The following TMEM150C variants were observed in gnomAD, a reference collection of about 807,000 sequenced individuals.
TMEM150C encodes tentonin 3.
TMEM150C carries 10 observed loss-of-function variants against 29.9 expected under a neutral mutation model. The ratio of observed to expected loss-of-function variants is 0.33; its 90% CI spans 0.21 to 0.57. TMEM150C has a LOEUF of 0.57. Ranked by LOEUF, TMEM150C falls within the 20% of genes least tolerant of loss-of-function variation. TMEM150C has a pLI of 0.88. For missense variants in TMEM150C, 251 were observed against 303.6 expected, an observed-to-expected ratio of 0.83 and a Z score of 1.29; for synonymous variants, 101 against 112.5, an observed-to-expected ratio of 0.90 and a Z score of 0.64.
intron 5 of TMEM150C, 92 bp from the exon 6 acceptor site, chr4:82,496,287 G>T: frequency 1.5e-6 from 2 of 1,299,234 alleles, no homozygotes; most frequent in Non-Finnish European, 2.1e-6. Context: ...TTTTTATGCT[G>T]CACTATTTTC....
intron 7 of TMEM150C, 139 bp from the exon 8 acceptor site, chr4:82,485,858 C>T (rs1018158733): frequency 4.2e-6 from 3 of 710,778 alleles, no homozygotes; most frequent in South Asian, 3.9e-5. Flanking sequence ...GCTTGTTGAA[C>T]ACGAAAATCT....
At chr4:82,545,877 A>T (rs1194447596) in intron 1 of TMEM150C, among the ~76,000 whole-genome samples, 1 of 152,108 alleles carries the variant, frequency 6.6e-6, no homozygotes, top group African/African-American at 2.4e-5. Flanking sequence ...GTGAGCTGAG[A>T]TTGCACCATT....
chr4:82,505,720 T>C (rs1723896882), intron 1 of TMEM150C, among the ~76,000 whole-genome samples: 1 of 151,986 alleles, frequency 6.6e-6, no homozygotes, highest in South Asian at 2.1e-4. Context: ...TTAGTGCTAA[T>C]AAATAGACTG....
chr4:82,532,566 A>G (rs916682616), intron 1 of TMEM150C, among the ~76,000 whole-genome samples: 1 of 152,164 alleles, frequency 6.6e-6, no homozygotes, highest in African/African-American at 2.4e-5. Flanking sequence ...AGCGTTATAA[A>G]GTATCTATAA....
chr4:82,517,956 G>C (rs1157182878), intron 1 of TMEM150C, among the ~76,000 whole-genome samples: 1 of 152,166 alleles, frequency 6.6e-6, no homozygotes. Flanking sequence ...CAACTTGCAA[G>C]CTCACTGCTA....
At chr4:82,540,404 G>A (rs903541439) in intron 1 of TMEM150C, among the ~76,000 whole-genome samples, 4 of 151,794 alleles carry the variant, frequency 2.6e-5, no homozygotes, top group African/African-American at 4.8e-5. Flanking sequence ...GTGAGCAACC[G>A]CGCCTGGCTA....
At chr4:82,491,703 T>C (rs1315807618) in intron 6 of TMEM150C, 2 of 434,956 alleles carry the variant, frequency 4.6e-6, no homozygotes, top group African/African-American at 4.1e-5. Context: ...TGTCTCCCTA[T>C]GTTGCCCAGA....
intron 6 of TMEM150C, among the ~76,000 whole-genome samples, chr4:82,492,792 CAAAA>C (rs1192509650): frequency 5.8e-5 from 3 of 51,888 alleles, no homozygotes; most frequent in Non-Finnish European, 1.1e-4. Context: ...TCCACTTCTC[CAAAA>C]AAAAAAAAAA....
At chr4:82,509,861 T>C (rs545617265) in intron 1 of TMEM150C, 2 of 152,294 alleles carry the variant, frequency 1.3e-5, no homozygotes, top group East Asian at 3.9e-4. Flanking sequence ...TTCATACTTC[T>C]GTCATCAAAT....
intron 6 of TMEM150C, among the ~76,000 whole-genome samples, chr4:82,493,612 T>C (rs915750689): frequency 2.6e-5 from 4 of 152,168 alleles, no homozygotes; most frequent in African/African-American, 9.7e-5. Context: ...TCTAGGACTT[T>C]TGTAAAGAAC....
intron 1 of TMEM150C, among the ~76,000 whole-genome samples, chr4:82,517,061 C>G (rs553599408): frequency 2.0e-5 from 3 of 152,196 alleles, no homozygotes; most frequent in African/African-American, 7.2e-5. Context: ...CTGCCTGATG[C>G]CTGTCCTTCC....
chr4:82,497,915 A>T (rs2110066724), intron 5 of TMEM150C, among the ~76,000 whole-genome samples: 1 of 152,324 alleles, frequency 6.6e-6, no homozygotes, highest in South Asian at 2.1e-4. Flanking sequence ...AGAAGCCATT[A>T]GATTAAGCCT....
intron 6 of TMEM150C, among the ~76,000 whole-genome samples, chr4:82,493,719 A>AG (rs1723448236): frequency 6.6e-6 from 1 of 152,240 alleles, no homozygotes; most frequent in African/African-American, 2.4e-5. Context: ...AGCACAGGCC[A>AG]GCAAGTAAGG....
At chr4:82,548,759 A>G (rs996236497) in intron 1 of TMEM150C, among the ~76,000 whole-genome samples, 5 of 152,192 alleles carry the variant, frequency 3.3e-5, no homozygotes, top group African/African-American at 1.2e-4. Flanking sequence ...GCAAGCGAGG[A>G]GGTAATGGCC....
rs558065952 is a variant in TMEM150C at position 82,541,710 on chromosome 4, T to C, written c.-11+20196A>G. On this transcript the variant is annotated intron_variant, in intron 1 of 7. Coordinates refer to ENST00000449862, the MANE Select transcript of TMEM150C (RefSeq NM_001080506.3). ...TAAATACTGAATTCCCACTATGTAC[T>C]TAAATGACGGTGGGGTTCCAGCTCT... Among the ~76,000 whole-genome samples, 3 of 152,338 alleles carry C rather than the reference T, an allele frequency of 2.0e-5. No individual in the cohort carries two copies. The East Asian group carries it at 5.8e-4, about 29-fold the overall frequency.
chr4:82,487,049 T>C (rs1723186047), intron 7 of TMEM150C, among the ~76,000 whole-genome samples: 1 of 152,144 alleles, frequency 6.6e-6, no homozygotes, highest in Admixed American at 6.5e-5. Context: ...AGCCAAACTT[T>C]GCTTTGCTAA....
intron 1 of TMEM150C, among the ~76,000 whole-genome samples, chr4:82,515,951 T>TC (rs1560488256): frequency 1.3e-5 from 2 of 152,156 alleles, no homozygotes; most frequent in African/African-American, 4.8e-5. Context: ...TGGCCCATAG[T>TC]CACAGCTCCA....
At chr4:82,517,705 A>G (rs1724336942) in intron 1 of TMEM150C, among the ~76,000 whole-genome samples, 1 of 152,174 alleles carries the variant, frequency 6.6e-6, no homozygotes, top group Non-Finnish European at 1.5e-5. Context: ...TCAGGCCTCC[A>G]GACTTGGACT....
intron 1 of TMEM150C, among the ~76,000 whole-genome samples, chr4:82,506,586 C>G (rs1055478535): frequency 2.6e-5 from 4 of 152,174 alleles, no homozygotes; most frequent in Non-Finnish European, 5.9e-5. Flanking sequence ...AATACTGAGG[C>G]AAGGTCTAAT....
Sources: gnomAD v4.1 joint callset for allele counts (sites outside exome capture counted in the v4.1 genomes callset) on GRCh38, gnomAD v4.1.1 for gene constraint, MANE v1.5 for transcripts, NCBI Gene and HGNC (gene_info 2026-07-23, HGNC 2026-07-21) for gene names.